Variants in GPBP1 observed in about 807,000 individuals in gnomAD.
GPBP1 encodes the protein GC-rich promoter binding protein 1.
A neutral mutation model predicts 56.5 loss-of-function variants in GPBP1; 13 were observed. The ratio of observed to expected loss-of-function variants is 0.23; its 90% CI spans 0.15 to 0.37. GPBP1 has a LOEUF of 0.37. Ranked by LOEUF, GPBP1 falls within the 10% of genes least tolerant of loss-of-function variation. The probability of loss-of-function intolerance (pLI) is 1.00; values close to 1 mark genes in which losing one functional copy is unlikely to be tolerated. For synonymous variants in GPBP1, 204 were observed against 188.9 expected, an observed-to-expected ratio of 1.08 and a Z score of -0.66; for missense variants, 477 against 572.3, an observed-to-expected ratio of 0.83 and a Z score of 1.70.
At chr5:57,211,968 C>A (rs1755505956) in intron 2 of GPBP1, among the ~76,000 whole-genome samples, 1 of 151,318 alleles carries the variant, frequency 6.6e-6, no homozygotes, top group South Asian at 2.1e-4. Flanking sequence ...ACAGAGTCTT[C>A]CTCTGTCATC....
At chr5:57,193,482 C>G (rs1001312167) in intron 2 of GPBP1, among the ~76,000 whole-genome samples, 3 of 151,702 alleles carry the variant, frequency 2.0e-5, no homozygotes, top group Admixed American at 6.6e-5. Flanking sequence ...GGCATGGTGA[C>G]TTGCGCCTGT....
At chr5:57,262,343 G>T (rs1004238883) in intron 11 of GPBP1, among the ~76,000 whole-genome samples, 2 of 152,048 alleles carry the variant, frequency 1.3e-5, no homozygotes, top group Admixed American at 1.3e-4. Context: ...ATTATATTCT[G>T]GTAAGTCCCT....
At chr5:57,216,980 TTA>T (rs1254502413) in intron 3 of GPBP1, among the ~76,000 whole-genome samples, 2 of 152,308 alleles carry the variant, frequency 1.3e-5, no homozygotes, top group African/African-American at 4.8e-5. Context: ...TTGATTTAAC[TTA>T]TATAAATAAA....
intron 2 of GPBP1, among the ~76,000 whole-genome samples, chr5:57,193,077 G>A (rs536554650): frequency 1.3e-4 from 20 of 152,294 alleles, no homozygotes; most frequent in South Asian, 8.3e-4. Context: ...AGCACTTTGG[G>A]ACGCCAAGGC....
At chr5:57,250,845 G>C in intron 9 of GPBP1, 109 bp from the exon 10 acceptor site, 1 of 755,416 alleles carries the variant, frequency 1.3e-6, no homozygotes, top group Non-Finnish European at 2.0e-6. Flanking sequence ...GCGCCTGGCC[G>C]CATTTATGTA....
chr5:57,231,475 G>C (rs1756457362), intron 5 of GPBP1, among the ~76,000 whole-genome samples, 154 bp downstream of exon 5: 1 of 152,030 alleles, frequency 6.6e-6, no homozygotes, highest in African/African-American at 2.4e-5. Context: ...GTTTCACCAG[G>C]TTGGCCAGGC....
At chr5:57,236,096 T>A in intron 6 of GPBP1, 64 bp downstream of exon 6, 1 of 1,125,360 alleles carries the variant, frequency 8.9e-7, no homozygotes, top group South Asian at 1.3e-5. Flanking sequence ...TTTCACTTTT[T>A]GTGTTTTTTA....
intron 2 of GPBP1, among the ~76,000 whole-genome samples, chr5:57,189,145 A>G (rs1754414614): frequency 6.6e-6 from 1 of 151,914 alleles, no homozygotes; most frequent in Non-Finnish European, 1.5e-5. Flanking sequence ...TTTGGAAGAC[A>G]GTCTCGCTCT....
chr5:57,203,890 A>G (rs1755121213), intron 2 of GPBP1, among the ~76,000 whole-genome samples: 1 of 152,210 alleles, frequency 6.6e-6, no homozygotes, highest in South Asian at 2.1e-4. Context: ...TCTGGACCAA[A>G]CATCTAAAAA....
intron 3 of GPBP1, among the ~76,000 whole-genome samples, chr5:57,215,072 C>T (rs1403609903): frequency 6.6e-6 from 1 of 152,188 alleles, no homozygotes; most frequent in Admixed American, 6.5e-5. Flanking sequence ...TTAATTCTTA[C>T]CAGTCATATA....
chr5:57,191,954 G>A (rs553732894), intron 2 of GPBP1, among the ~76,000 whole-genome samples: 1 of 152,310 alleles, frequency 6.6e-6, no homozygotes, highest in Non-Finnish European at 1.5e-5. Flanking sequence ...TTTGTAGTGT[G>A]TCTTTGAGGA....
chr5:57,249,255 A>C, intron 8 of GPBP1, 154 bp from the exon 9 acceptor site: 1 of 522,184 alleles, frequency 1.9e-6, no homozygotes, highest in Non-Finnish European at 3.3e-6. Flanking sequence ...CAGTAGGGGA[A>C]AAAACAGGGA....
chr5:57,232,494 CAT>C (rs1251455052), intron 5 of GPBP1, among the ~76,000 whole-genome samples: 3 of 152,330 alleles, frequency 2.0e-5, no homozygotes, highest in Non-Finnish European at 2.9e-5. Context: ...GGCATTAAGT[CAT>C]AGACTGTTCT....
At chr5:57,260,286 C>T (rs1024080102) in intron 10 of GPBP1, among the ~76,000 whole-genome samples, 1 of 152,164 alleles carries the variant, frequency 6.6e-6, no homozygotes, top group Admixed American at 6.5e-5. Context: ...GCTGCTGCTT[C>T]TGTGAGGGCT....
intron 6 of GPBP1, among the ~76,000 whole-genome samples, chr5:57,242,646 T>C (rs1740883957): frequency 6.6e-6 from 1 of 152,166 alleles, no homozygotes; most frequent in African/African-American, 2.4e-5. Context: ...TGTCTCATTA[T>C]GTTGCCCAGC....
intron 3 of GPBP1, among the ~76,000 whole-genome samples, chr5:57,226,363 G>C (rs1377674115): frequency 6.6e-6 from 1 of 152,082 alleles, no homozygotes; most frequent in East Asian, 1.9e-4. Context: ...TTGAGATGTT[G>C]ATAATAGACT....
At chr5:57,192,539 A>G (rs2111643800) in intron 2 of GPBP1, among the ~76,000 whole-genome samples, 1 of 152,176 alleles carries the variant, frequency 6.6e-6, no homozygotes. Context: ...GGATCACCTG[A>G]GGTCAGGAGT....
chr5:57,234,875 TC>T (rs36082047), intron 5 of GPBP1, among the ~76,000 whole-genome samples: 36,630 of 152,042 alleles, frequency 0.24, 4,760 homozygotes, highest in Middle Eastern at 0.31. Flanking sequence ...GAGTGAATCT[TC>T]CTATAACCCA....
At position 57,263,598 on chromosome 5, in the gene GPBP1, C is replaced by A. The variant is rs1024402287; in HGVS notation, c.*846C>A. The A allele has an allele frequency of 6.6e-6, 1 of 152,104 alleles. No homozygotes were observed. The highest frequency in any genetic ancestry group is 1.5e-5 in the Non-Finnish European group (1 of 67,994). The allele number at this position is 152,104 out of a possible 1,614,324, so 9.4% of individuals were successfully genotyped here. A position where few individuals can be genotyped will look rare whatever the true frequency, so the allele number is the denominator to read the frequency against. On this transcript the variant is annotated 3_prime_UTR_variant, in exon 12 of 12. Transcript: ENST00000506184. ...TGGATTTTCAGAATATTGTTGTTTT[C>A]TGTAGTGTTCAAGGTATTGTTTCTA...
Sources: allele counts gnomAD v4.1 joint callset (sites outside exome capture counted in the v4.1 genomes callset), GRCh38; gene constraint gnomAD v4.1.1; transcripts MANE v1.5; gene names NCBI Gene and HGNC (gene_info 2026-07-23, HGNC 2026-07-21).